SHISA9: variants seen among roughly 807,000 people sequenced by gnomAD.
SHISA9 encodes shisa family member 9.
In SHISA9, 13 loss-of-function variants were observed where a neutral mutation model predicts 38.0. The ratio of observed to expected loss-of-function variants is 0.34; its 90% CI spans 0.22 to 0.54. The LOEUF (loss-of-function observed/expected upper bound fraction) is 0.54, where lower values mean the gene tolerates loss of function less well. Ranked by LOEUF, SHISA9 falls within the 20% of genes least tolerant of loss-of-function variation. SHISA9 has a pLI of 0.91. For missense variants in SHISA9, 538 were observed against 575.8 expected (o/e 0.93, Z 0.67); for synonymous variants, 275 against 242.0 (o/e 1.14, Z -1.27).
At chr16:13,148,219 A>G (rs1271181898) in intron 2 of SHISA9, among the ~76,000 whole-genome samples, 2 of 151,934 alleles carry the variant, frequency 1.3e-5, no homozygotes, top group African/African-American at 4.8e-5. Context: ...TGCATTTCCC[A>G]CATGTCCCCG....
the SHISA9 span, among the ~76,000 whole-genome samples, chr16:13,253,091 TAAC>T: frequency 1.3e-5 from 2 of 152,226 alleles, no homozygotes; most frequent in African/African-American, 4.8e-5. Context: ...TTCTTAATAA[TAAC>T]ATTTTATTTT....
chr16:13,082,148 G>A lies in SHISA9; in HGVS notation c.692-121246G>A, dbSNP rs115734367. Among the ~76,000 whole-genome samples the A allele has an allele frequency of 5.5e-3, 845 of 152,370 alleles. 6 individuals are homozygous for A. Among genetic ancestry groups the A allele is most frequent in the African/African-American group, 0.019 (803 of 41,590 alleles). ...GCTTACAGGGTGTGAATTATTTGAA[G>A]CAGTGTGAGGTATTAACCAGAAGTG... is the stretch of plus-strand genomic sequence containing the variant. On this transcript the variant is annotated intron_variant, in intron 2 of 4. Transcript: ENST00000558583.
At chr16:13,363,094 G>A in the SHISA9 span, among the ~76,000 whole-genome samples, 1 of 152,162 alleles carries the variant, frequency 6.6e-6, no homozygotes, top group Non-Finnish European at 1.5e-5. Context: ...TAGGCACTGG[G>A]TACACAGAGA....
chr16:13,094,059 T>TC (rs1348466349), intron 2 of SHISA9, among the ~76,000 whole-genome samples: 1 of 152,054 alleles, frequency 6.6e-6, no homozygotes, highest in African/African-American at 2.4e-5. Context: ...GCTGCTGGGG[T>TC]CCCGGTGTCT....
chr16:13,128,362 A>G (rs1305997949), intron 2 of SHISA9, among the ~76,000 whole-genome samples: 3 of 152,018 alleles, frequency 2.0e-5, no homozygotes, highest in Admixed American at 6.6e-5. Flanking sequence ...GGTTGCTCCC[A>G]TTTCATAGAT....
chr16:13,052,856 C>A (rs1036910650), intron 2 of SHISA9, among the ~76,000 whole-genome samples: 22 of 151,544 alleles, frequency 1.5e-4, no homozygotes, highest in Non-Finnish European at 2.6e-4. Context: ...TTATTCCCAT[C>A]TTTGGTTGGG....
At chr16:13,029,013 C>A (rs995140006) in intron 2 of SHISA9, among the ~76,000 whole-genome samples, 2 of 152,182 alleles carry the variant, frequency 1.3e-5, no homozygotes, top group African/African-American at 4.8e-5. Context: ...CATAGACCTT[C>A]CCTAGATATA....
At chr16:13,526,173 C>A in the SHISA9 span, among the ~76,000 whole-genome samples, 1 of 152,196 alleles carries the variant, frequency 6.6e-6, no homozygotes, top group African/African-American at 2.4e-5. Flanking sequence ...ACAAGATCCA[C>A]CTGAGTTTCA....
chr16:13,200,442 A>ACACACACACACACAC (rs1555470817), intron 2 of SHISA9, among the ~76,000 whole-genome samples: 203 of 132,308 alleles, frequency 1.5e-3, no homozygotes, highest in African/African-American at 5.5e-3. Context: ...ACACACACAC[A>ACACACACACACACAC]GCAGCAGCAG....
chr16:13,120,547 G>A (rs1198051182), intron 2 of SHISA9, among the ~76,000 whole-genome samples: 1 of 152,154 alleles, frequency 6.6e-6, no homozygotes, highest in Non-Finnish European at 1.5e-5. Flanking sequence ...AACCAACTCT[G>A]CTAAGAAGGT....
the SHISA9 span, among the ~76,000 whole-genome samples, chr16:13,446,703 G>A: frequency 1.1e-3 from 172 of 152,206 alleles, no homozygotes; most frequent in African/African-American, 3.9e-3. Context: ...CATGCTGGGC[G>A]CGGTGGCTTA....
intron 1 of SHISA9, chr16:12,910,592 T>C: frequency 5.1e-6 from 5 of 985,418 alleles, no homozygotes; most frequent in Non-Finnish European, 6.0e-6. Context: ...TATTCAGTCA[T>C]TTCAACCTCA....
intron 2 of SHISA9, among the ~76,000 whole-genome samples, chr16:13,080,012 C>G (rs544961722): frequency 6.6e-6 from 1 of 151,968 alleles, no homozygotes; most frequent in Non-Finnish European, 1.5e-5. Flanking sequence ...AAGGGAAGGC[C>G]GGGGGATCCA....
At chr16:13,410,848 C>T in the SHISA9 span, among the ~76,000 whole-genome samples, 4 of 152,080 alleles carry the variant, frequency 2.6e-5, no homozygotes, top group African/African-American at 9.7e-5. Context: ...GGGAGGGAGA[C>T]GGAAATTGAC....
intron 2 of SHISA9, among the ~76,000 whole-genome samples, chr16:13,008,678 C>CT (rs1567179983): frequency 2.6e-4 from 33 of 125,352 alleles, no homozygotes; most frequent in African/African-American, 9.1e-4. Flanking sequence ...TCCCTCCCTC[C>CT]CTCTCTCTCT....
chr16:13,244,480 C>T (rs142630874), downstream of SHISA9, among the ~76,000 whole-genome samples: 242 of 152,206 alleles, frequency 1.6e-3, no homozygotes, highest in African/African-American at 5.6e-3. Flanking sequence ...TTTTCTCTTC[C>T]TTGTGATTTT....
At position 13,202,640 on chromosome 16, in the gene SHISA9, G is replaced by C. The variant is rs180764091; in HGVS notation, c.692-754G>C. Among the ~76,000 whole-genome samples the C allele has an allele frequency of 4.0e-5, 6 of 151,876 alleles. No homozygotes were observed. In the East Asian group the frequency reaches 1.2e-3, roughly 29 times the overall value. Reference sequence around the variant, plus strand: ...TTTTCCTTCATTTTTTCTAACACCTGAAAGATATTCCATCATATGTGTACA... The same window carrying C: ...TTTTCCTTCATTTTTTCTAACACCTCAAAGATATTCCATCATATGTGTACA... On this transcript the variant is annotated intron_variant, in intron 2 of 4. Transcript: ENST00000558583.
the SHISA9 span, among the ~76,000 whole-genome samples, chr16:13,396,853 C>T: frequency 5.3e-5 from 8 of 152,180 alleles, no homozygotes; most frequent in South Asian, 1.5e-3. Flanking sequence ...TCACTGCACA[C>T]CATTTATACT....
the SHISA9 span, among the ~76,000 whole-genome samples, chr16:13,491,235 C>A: frequency 2.0e-5 from 3 of 152,110 alleles, no homozygotes; most frequent in African/African-American, 7.2e-5. Context: ...ACTGGGAATC[C>A]ATTGGTGATA....
Sources: allele counts gnomAD v4.1 joint callset (sites outside exome capture counted in the v4.1 genomes callset), GRCh38; gene constraint gnomAD v4.1.1; transcripts MANE v1.5; gene names NCBI Gene and HGNC (gene_info 2026-07-23, HGNC 2026-07-21).